GMPR: variants seen among roughly 807,000 people sequenced by gnomAD.
GMPR encodes GMP reductase 1.
A neutral mutation model predicts 38.4 loss-of-function variants in GMPR; 31 were observed. That is an observed-to-expected ratio of 0.81 (90% CI 0.61 to 1.09). The LOEUF (loss-of-function observed/expected upper bound fraction) is 1.09, where lower values mean the gene tolerates loss of function less well. GMPR is among the 50% of genes least tolerant of loss of function. The pLI is 0.00. For missense variants in GMPR, 468 were observed against 453.7 expected, an observed-to-expected ratio of 1.03 and a Z score of -0.29; for synonymous variants, 162 against 173.3, an observed-to-expected ratio of 0.93 and a Z score of 0.51.
chr6:16,260,275 G>A (rs534867593), intron 4 of GMPR, among the ~76,000 whole-genome samples: 1 of 151,994 alleles, frequency 6.6e-6, no homozygotes, highest in African/African-American at 2.4e-5. Context: ...TGAATACTAA[G>A]AGCCTGAAAA....
intron 3 of GMPR, among the ~76,000 whole-genome samples, chr6:16,252,420 T>A (rs1260115770): frequency 6.6e-6 from 1 of 152,128 alleles, no homozygotes; most frequent in Non-Finnish European, 1.5e-5. Context: ...ACACCTAGCC[T>A]GGCTAAATTT....
chr6:16,264,080 G>A (rs897668992), intron 4 of GMPR, among the ~76,000 whole-genome samples: 26 of 152,092 alleles, frequency 1.7e-4, no homozygotes, highest in African/African-American at 6.3e-4. Context: ...TGCGTGGTCT[G>A]ACACCTCTGA....
intron 4 of GMPR, among the ~76,000 whole-genome samples, chr6:16,265,888 G>T (rs116029989): frequency 1.4e-4 from 22 of 152,338 alleles, no homozygotes; most frequent in Non-Finnish European, 2.8e-4. Flanking sequence ...TTTATGAGCT[G>T]TAACACTTAC....
chr6:16,287,591 T>C (rs1581666433), intron 7 of GMPR, among the ~76,000 whole-genome samples: 1 of 152,226 alleles, frequency 6.6e-6, no homozygotes, highest in Non-Finnish European at 1.5e-5. Flanking sequence ...AAGCATTCTT[T>C]AGTGGGTCTG....
rs187055405 is a variant in GMPR, at chr6:16,281,839, G to A, written c.654+2949G>A. 3.3e-5 allele frequency among the ~76,000 whole-genome samples: 5 copies of A among 152,302 alleles called. No individual in the cohort carries two copies. In the East Asian group the frequency reaches 9.7e-4, roughly 29 times the overall value. ...TTTCCTTTTACGTCAATGCTGAGAG[G>A]TCTCCTAGATGGGGTTAGGAGTTCC... On this transcript the variant is annotated intron_variant, in intron 6 of 8. Transcript: ENST00000259727.
chr6:16,275,111 C>T (rs899107463), intron 5 of GMPR, among the ~76,000 whole-genome samples: 3 of 152,204 alleles, frequency 2.0e-5, no homozygotes, highest in Non-Finnish European at 2.9e-5. Flanking sequence ...GCCATTTTCT[C>T]ATGGGGCAGG....
intron 3 of GMPR, among the ~76,000 whole-genome samples, chr6:16,254,022 C>T (rs570794284): frequency 6.6e-6 from 1 of 152,168 alleles, no homozygotes; most frequent in African/African-American, 2.4e-5. Context: ...CCTCCGCCCC[C>T]CAGGTTCAAG....
chr6:16,244,932 G>C (rs938325146), intron 1 of GMPR, among the ~76,000 whole-genome samples: 3 of 152,168 alleles, frequency 2.0e-5, no homozygotes, highest in Non-Finnish European at 4.4e-5. Flanking sequence ...TCTGTGTTTT[G>C]TGTCCTGCTG....
intron 1 of GMPR, among the ~76,000 whole-genome samples, chr6:16,240,285 A>C (rs1199856890): frequency 6.6e-6 from 1 of 152,194 alleles, no homozygotes; most frequent in African/African-American, 2.4e-5. Context: ...CTGTAATCCC[A>C]GCACTTTAGG....
intron 5 of GMPR, among the ~76,000 whole-genome samples, chr6:16,277,853 A>T (rs1358910842): frequency 1.3e-5 from 2 of 152,122 alleles, no homozygotes; most frequent in African/African-American, 4.8e-5. Context: ...AGAGTCCCTA[A>T]GGTGGGAAGA....
At chr6:16,284,193 G>A in intron 6 of GMPR, among the ~76,000 whole-genome samples, 1 of 152,218 alleles carries the variant, frequency 6.6e-6, no homozygotes, top group East Asian at 1.9e-4. Flanking sequence ...AAAAGGTCCA[G>A]CCTTCACACT....
At chr6:16,282,184 T>G (rs766618428) in intron 6 of GMPR, among the ~76,000 whole-genome samples, 1 of 152,244 alleles carries the variant, frequency 6.6e-6, no homozygotes, top group Non-Finnish European at 1.5e-5. Context: ...GAGCATGTAC[T>G]GATACCCAAG....
Position 16,295,187 on chromosome 6 carries a change from C to T in GMPR, c.*1C>T. 1 of 1,502,314 alleles carries T rather than the reference C, an allele frequency of 6.7e-7. No individual in the cohort carries two copies. The highest frequency in any genetic ancestry group is 2.4e-5 in the Admixed American group (1 of 40,882). 93.1% of individuals were successfully genotyped at this position (1,502,314 alleles called of 1,614,324 possible). ...GCAGCACAACACCGTGTTCAGCTAA[C>T]CCTGGGGACAAAGCAGCGTCTGGCT... is the stretch of plus-strand genomic sequence containing the variant. On this transcript the variant is annotated 3_prime_UTR_variant, in exon 9 of 9. Transcript: ENST00000259727.
chr6:16,289,142 C>T (rs542298797), intron 7 of GMPR, among the ~76,000 whole-genome samples: 9 of 152,218 alleles, frequency 5.9e-5, no homozygotes, highest in Admixed American at 2.0e-4. Context: ...CTTTTATGAG[C>T]TGTGCTATTT....
chr6:16,247,757 G>A (rs1758788518), intron 2 of GMPR, among the ~76,000 whole-genome samples: 1 of 150,982 alleles, frequency 6.6e-6, no homozygotes, highest in Admixed American at 6.6e-5. Context: ...GGGAGGGGTA[G>A]GTCACTTGCC....
chr6:16,284,841 G>A (rs915886934), intron 6 of GMPR, among the ~76,000 whole-genome samples: 6 of 152,060 alleles, frequency 3.9e-5, no homozygotes, highest in Admixed American at 6.5e-5. Context: ...CCAACGTGGC[G>A]AAATCCCGTC....
At chr6:16,266,787 T>C (rs988467870) in intron 4 of GMPR, among the ~76,000 whole-genome samples, 2 of 150,936 alleles carry the variant, frequency 1.3e-5, no homozygotes, top group African/African-American at 4.9e-5. Context: ...AGACTCCGTC[T>C]CAAAAAACAA....
Position 16,286,748 on chromosome 6 carries a change from C to CA in GMPR, c.697+922dup, listed in dbSNP as rs1048412979. ...CAATACCCCATCTCTACTAAAAATA[C>CA]AAAAAAAAATACCGGGGTGTGGTGG... On this transcript the variant is annotated intron_variant, in intron 7 of 8. Transcript: ENST00000259727. 9.4e-4 allele frequency among the ~76,000 whole-genome samples: 141 copies of CA among 149,298 alleles called. No individual in the cohort carries two copies. In the Middle Eastern group the frequency reaches 0.01, roughly 11 times the overall value.
chr6:16,289,733 G>A (rs963435700), intron 7 of GMPR, among the ~76,000 whole-genome samples: 3 of 150,950 alleles, frequency 2.0e-5, no homozygotes, highest in Admixed American at 6.6e-5. Flanking sequence ...ATAAGCACAG[G>A]GAGTGTCAGA....
Sources: gnomAD v4.1 joint callset for allele counts (sites outside exome capture counted in the v4.1 genomes callset) on GRCh38, gnomAD v4.1.1 for gene constraint, MANE v1.5 for transcripts, NCBI Gene and HGNC (gene_info 2026-07-23, HGNC 2026-07-21) for gene names.